The following PREX1 variants were observed in gnomAD, a reference collection of about 807,000 sequenced individuals.
PREX1 encodes phosphatidylinositol-3,4,5-trisphosphate dependent Rac exchange factor 1.
PREX1 carries 41 observed loss-of-function variants against 198.3 expected under a neutral mutation model. The ratio of observed to expected loss-of-function variants is 0.21; its 90% CI spans 0.16 to 0.27. The LOEUF is 0.27. Ranked by LOEUF, PREX1 falls within the 10% of genes least tolerant of loss-of-function variation. The pLI is 1.00. For missense variants in PREX1, 1,620 were observed against 2,200.7 expected (o/e 0.74, Z 5.28); for synonymous variants, 843 against 887.2 (o/e 0.95, Z 0.89).
At chr20:48,638,054 A>G (rs766326616) in intron 30 of PREX1, among the ~76,000 whole-genome samples, 3 of 152,172 alleles carry the variant, frequency 2.0e-5, no homozygotes, top group East Asian at 1.9e-4. Flanking sequence ...CCTTGTTCAC[A>G]TAAGTATGGT....
At chr20:48,845,312 C>A in the PREX1 span, among the ~76,000 whole-genome samples, 1 of 152,196 alleles carries the variant, frequency 6.6e-6, no homozygotes, top group East Asian at 1.9e-4. Context: ...CAGGGAGGCA[C>A]ACACCTAGAT....
chr20:48,742,096 T>C (rs1377521546), intron 3 of PREX1, among the ~76,000 whole-genome samples: 1 of 152,088 alleles, frequency 6.6e-6, no homozygotes, highest in African/African-American at 2.4e-5. Flanking sequence ...GCCTCCGACA[T>C]TCATCCTTGT....
At chr20:48,834,233 A>G in the PREX1 span, among the ~76,000 whole-genome samples, 1 of 152,214 alleles carries the variant, frequency 6.6e-6, no homozygotes, top group Admixed American at 6.5e-5. Context: ...AGACTGATAC[A>G]TAGAAGGTAA....
intron 1 of PREX1, among the ~76,000 whole-genome samples, chr20:48,812,845 A>G (rs1179505330): frequency 6.6e-6 from 1 of 152,228 alleles, no homozygotes; most frequent in Non-Finnish European, 1.5e-5. Flanking sequence ...GAGAGCATTT[A>G]GCAGTGACAC....
the PREX1 span, among the ~76,000 whole-genome samples, chr20:48,863,202 C>T: frequency 1.3e-5 from 2 of 152,128 alleles, no homozygotes; most frequent in African/African-American, 4.8e-5. Flanking sequence ...CCCTTATACT[C>T]CCTCTCTCCC....
the PREX1 span, among the ~76,000 whole-genome samples, chr20:48,848,622 T>C: frequency 2.0e-5 from 3 of 152,178 alleles, no homozygotes; most frequent in Admixed American, 2.0e-4. Context: ...AAAATACCTT[T>C]GGATAACCAC....
At chr20:48,660,730 CA>C (rs1301448756) in intron 15 of PREX1, among the ~76,000 whole-genome samples, 2 of 152,196 alleles carry the variant, frequency 1.3e-5, no homozygotes, top group African/African-American at 4.8e-5. Context: ...CCAAAACCAA[CA>C]GGAATAAATA....
intron 1 of PREX1, among the ~76,000 whole-genome samples, chr20:48,796,737 T>C (rs369802549): frequency 2.0e-5 from 3 of 150,436 alleles, no homozygotes; most frequent in African/African-American, 7.3e-5. Context: ...TAGTTTTATA[T>C]ATGTATATGC....
intron 14 of PREX1, among the ~76,000 whole-genome samples, chr20:48,671,224 G>A (rs978245132): frequency 6.6e-6 from 1 of 152,224 alleles, no homozygotes; most frequent in Non-Finnish European, 1.5e-5. Flanking sequence ...CAGGGGAAGG[G>A]AGGATTGTAG....
At chr20:48,740,616 A>T (rs1340080164) in intron 3 of PREX1, among the ~76,000 whole-genome samples, 1 of 152,146 alleles carries the variant, frequency 6.6e-6, no homozygotes, top group African/African-American at 2.4e-5. Flanking sequence ...GCTTCCAGAA[A>T]CCCAACCTAC....
At position 48,651,409 on chromosome 20, in the gene PREX1, C is replaced by T. The variant is rs752876453; in HGVS notation, c.2642G>A (p.Gly881Asp). 2.1e-5 allele frequency: 33 copies of T among 1,606,048 alleles called. No homozygotes were observed. Among genetic ancestry groups the T allele is most frequent in the Middle Eastern group, 1.7e-4 (1 of 6,026 alleles). The stretch of plus-strand genomic sequence containing the variant: ...GCCCAAGGAGACCTTGGCGGTGAGG[C>T]CGAAGCAGCCGCGGGGCTCCACGAT... ...EKIVEPRGCF[G>D]LTAKILEAFA... Residue 881 changes from glycine to aspartate, a missense_variant, in exon 22 of 40, where the codon GGC becomes GAC. Physicochemically the swap from Gly to Asp is moderately conservative, Grantham distance 94 (BLOSUM62 -1). Coordinates refer to ENST00000371941, the MANE Select transcript of PREX1 (RefSeq NM_020820.4).
intron 7 of PREX1, 68 bp downstream of exon 7, chr20:48,700,685 G>A: frequency 6.3e-7 from 1 of 1,576,232 alleles, no homozygotes; most frequent in Non-Finnish European, 8.7e-7. Flanking sequence ...AGAGGGAAGT[G>A]ACAAGCCCAA....
At chr20:48,761,237 G>A (rs1355291606) in intron 1 of PREX1, among the ~76,000 whole-genome samples, 1 of 152,188 alleles carries the variant, frequency 6.6e-6, no homozygotes, top group East Asian at 1.9e-4. Context: ...TATCGAAAAC[G>A]TCTATCCCTG....
At chr20:48,726,498 CA>C (rs2090010875) in intron 4 of PREX1, 107 bp from the exon 5 acceptor site, 2 of 803,448 alleles carry the variant, frequency 2.5e-6, no homozygotes, top group African/African-American at 3.4e-5. Context: ...AATCACTTGG[CA>C]AGCGATTTAG....
intron 3 of PREX1, 106 bp downstream of exon 3, chr20:48,744,919 G>A: frequency 7.0e-7 from 1 of 1,431,034 alleles, no homozygotes; most frequent in Non-Finnish European, 9.5e-7. Flanking sequence ...CCATCTCCCA[G>A]ACAGGCCTAC....
chr20:48,854,399 T>C, the PREX1 span, among the ~76,000 whole-genome samples: 2 of 151,884 alleles, frequency 1.3e-5, no homozygotes, highest in East Asian at 3.9e-4. Flanking sequence ...AAAAGAATGA[T>C]ACTAAAAATA....
intron 1 of PREX1, among the ~76,000 whole-genome samples, chr20:48,818,073 T>G (rs1037614054): frequency 6.6e-6 from 1 of 150,534 alleles, no homozygotes; most frequent in Non-Finnish European, 1.5e-5. Context: ...CTGAAGGAGG[T>G]GGAGGGCTGA....
the PREX1 span, among the ~76,000 whole-genome samples, chr20:48,845,923 G>A: frequency 6.6e-6 from 1 of 152,148 alleles, no homozygotes; most frequent in African/African-American, 2.4e-5. Flanking sequence ...GTAACATGAT[G>A]TGACTCAGGT....
At chr20:48,821,728 C>T (rs754953942) in intron 1 of PREX1, 5 of 152,174 alleles carry the variant, frequency 3.3e-5, no homozygotes, top group Admixed American at 1.3e-4. Context: ...GGCCCCAAGC[C>T]CAACAGGTCT....
Sources: allele counts gnomAD v4.1 joint callset (sites outside exome capture counted in the v4.1 genomes callset), GRCh38; gene constraint gnomAD v4.1.1; transcripts MANE v1.5; gene names NCBI Gene and HGNC (gene_info 2026-07-23, HGNC 2026-07-21).